ZNF488: variants seen among roughly 807,000 people sequenced by gnomAD.
ZNF488 encodes zinc finger protein 488.
A neutral mutation model predicts 1.2 loss-of-function variants in ZNF488; 1 was observed. The observed-to-expected ratio is 0.86, with a 90% CI of 0.30 to 4.07. The LOEUF (loss-of-function observed/expected upper bound fraction) is 4.07. ZNF488 is among the 30% of genes most tolerant of loss of function. The pLI is 0.18. For missense variants in ZNF488, 450 were observed against 437.9 expected (o/e 1.03, Z -0.25); for synonymous variants, 185 against 190.1 (o/e 0.97, Z 0.22).
chr10:47,368,317 T>A lies in ZNF488; in HGVS notation c.513A>T (p.Ala171=). The change falls in exon 2 of 2, where the codon GCA becomes GCT. Residue 171 remains alanine, a synonymous_variant. Transcript: ENST00000585316. ...SAFSKPTKRP[A]ERPELTSVFP... ...AGACTGAGGTTAGCTCAGGCCTCTC[T>A]GCTGGTCGCTTGGTTGGTTTGCTAA... 2 of 1,614,222 alleles carry A rather than the reference T, an allele frequency of 1.2e-6. No homozygotes were observed. Among genetic ancestry groups the A allele is most frequent in the Non-Finnish European group, 1.7e-6 (2 of 1,180,044 alleles).
intron 1 of ZNF488, among the ~76,000 whole-genome samples, chr10:47,381,650 G>GAGTCCCAGGATA (rs1837961512): frequency 1.3e-5 from 2 of 152,100 alleles, no homozygotes; most frequent in Admixed American, 6.5e-5. Context: ...CCAAGTGCAG[G>GAGTCCCAGGATA]AGACTGCGAA....
At chr10:47,383,028 C>T (rs181326205) in intron 1 of ZNF488, among the ~76,000 whole-genome samples, 1 of 152,240 alleles carries the variant, frequency 6.6e-6, no homozygotes, top group Admixed American at 6.5e-5. Context: ...AATCACATAT[C>T]TCTGATAAGA....
In ZNF488 at chr10:47,367,977, G is replaced by GA; in HGVS notation, c.852dup (p.Arg285SerfsTer22). On this transcript the variant is annotated frameshift_variant, in exon 2 of 2. Coordinates refer to ENST00000585316, the MANE Select transcript of ZNF488 (RefSeq NM_153034.4). LOFTEE classifies it low-confidence loss of function (END_TRUNC). Reference sequence around the variant, plus strand: ...TGAAAGACCAGGTCGGACGTTAGGCGAAAGGACAGGTTGCACTTTGCACAC... The same window carrying GA: ...TGAAAGACCAGGTCGGACGTTAGGCGAAAAGGACAGGTTGCACTTTGCACAC... The GA allele has an allele frequency of 6.2e-7, 1 of 1,614,150 alleles. No homozygotes were observed. The highest frequency in any genetic ancestry group is 8.5e-7 in the Non-Finnish European group (1 of 1,180,032).
intron 1 of ZNF488, among the ~76,000 whole-genome samples, chr10:47,381,619 G>A (rs1359414046): frequency 6.6e-6 from 1 of 151,952 alleles, no homozygotes; most frequent in Non-Finnish European, 1.5e-5. Context: ...TAGCAGCAAT[G>A]CCTGCTGCAT....
At chr10:47,370,452 C>G (rs1278087792) in intron 1 of ZNF488, among the ~76,000 whole-genome samples, 3 of 152,226 alleles carry the variant, frequency 2.0e-5, no homozygotes, top group African/African-American at 7.2e-5. Flanking sequence ...TCTAAGAATA[C>G]AGCTGATTGG....
intron 1 of ZNF488, among the ~76,000 whole-genome samples, chr10:47,374,831 T>C (rs1331418239): frequency 3.3e-5 from 5 of 152,216 alleles, no homozygotes; most frequent in Non-Finnish European, 7.3e-5. Flanking sequence ...GGGACTCGAC[T>C]GCACATCCGG....
rs572801517 is a variant in ZNF488, at chr10:47,370,115, G to C, written c.-108-1178C>G. Among the ~76,000 whole-genome samples the C allele has an allele frequency of 3.9e-5, 6 of 152,352 alleles. No homozygotes were observed. In the East Asian group the frequency reaches 7.7e-4, roughly 20 times the overall value. On this transcript the variant is annotated intron_variant, in intron 1 of 1. Coordinates refer to ENST00000585316, the MANE Select transcript of ZNF488 (RefSeq NM_153034.4). ...GCCCTCCATATTCCCATAGGGCCAA[G>C]GGAGGAGACATCCGCATGGTGAGAA...
At chr10:47,369,342 C>G (rs1334854004) in intron 1 of ZNF488, among the ~76,000 whole-genome samples, 2 of 152,204 alleles carry the variant, frequency 1.3e-5, no homozygotes, top group Non-Finnish European at 2.9e-5. Flanking sequence ...GGTCATCTGT[C>G]AACAAGTAGA....
chr10:47,367,977 G>C lies in ZNF488; in HGVS notation c.853C>G (p.Arg285Gly). 6.2e-7 allele frequency: 1 copy of C among 1,614,150 alleles called. No individual in the cohort carries two copies. Among genetic ancestry groups the C allele is most frequent in the Non-Finnish European group, 8.5e-7 (1 of 1,180,032 alleles). ...TGAAAGACCAGGTCGGACGTTAGGC[G>C]AAAGGACAGGTTGCACTTTGCACAC... ...NWCAKCNLSF[R>G]LTSDLVFHMR... The change falls in exon 2 of 2, where the codon CGC becomes GGC. Residue 285 changes from arginine (R) to glycine (G), a missense_variant. Coordinates refer to ENST00000585316, the MANE Select transcript of ZNF488 (RefSeq NM_153034.4).
chr10:47,368,871 C>T lies in ZNF488; in HGVS notation c.-42G>A, dbSNP rs782795775. ...GTTTGGGGTTCTGGAGGGCTTGGCC[C>T]AGCAAGGAGCCATGAGATATGGAAG... On this transcript the variant is annotated 5_prime_UTR_variant, in exon 2 of 2. The change creates a premature stop within an existing upstream ORF in the 5' untranslated region. Coordinates refer to ENST00000585316, the MANE Select transcript of ZNF488 (RefSeq NM_153034.4). The T allele has an allele frequency of 6.5e-7, 1 of 1,536,750 alleles. No individual in the cohort carries two copies. The highest frequency in any genetic ancestry group is 8.7e-7 in the Non-Finnish European group (1 of 1,144,472).
chr10:47,371,894 C>G (rs1378702215), intron 1 of ZNF488, among the ~76,000 whole-genome samples: 1 of 152,080 alleles, frequency 6.6e-6, no homozygotes, highest in Non-Finnish European at 1.5e-5. Flanking sequence ...TGGACTATTT[C>G]TCATGGGGGC....
At chr10:47,378,719 G>A (rs1378067151) in intron 1 of ZNF488, among the ~76,000 whole-genome samples, 1 of 152,212 alleles carries the variant, frequency 6.6e-6, no homozygotes, top group Non-Finnish European at 1.5e-5. Context: ...CAAGAAAAGT[G>A]AACATAAAAC....
Position 47,367,565 on chromosome 10 carries a change from G to C in ZNF488, c.*242C>G. 1 of 568,338 alleles carries C rather than the reference G, an allele frequency of 1.8e-6. No individual in the cohort carries two copies. The highest frequency in any genetic ancestry group is 3.1e-6 in the Non-Finnish European group (1 of 317,940). The allele number at this position is 568,338 out of a possible 1,614,324, so 35.2% of individuals were successfully genotyped here. On this transcript the variant is annotated 3_prime_UTR_variant, in exon 2 of 2. Coordinates refer to ENST00000585316, the MANE Select transcript of ZNF488 (RefSeq NM_153034.4). ...GTGCCAGGAGTTGCCCCTGCTCTCT[G>C]TGCCTGTTAGGGCCTCTACCCTGGA...
chr10:47,378,364 C>T (rs1460735410), intron 1 of ZNF488, among the ~76,000 whole-genome samples: 2 of 152,188 alleles, frequency 1.3e-5, no homozygotes, highest in East Asian at 3.9e-4. Flanking sequence ...TCTCACCAGC[C>T]CCACCCTCAA....
chr10:47,377,416 A>ATTT (rs1236398831), intron 1 of ZNF488, among the ~76,000 whole-genome samples: 3 of 152,096 alleles, frequency 2.0e-5, no homozygotes, highest in Non-Finnish European at 2.9e-5. Flanking sequence ...TTCCTTCTTC[A>ATTT]CAAAGTTGGC....
At position 47,368,606 on chromosome 10, in the gene ZNF488, G is replaced by T. The variant is rs79141866; in HGVS notation, c.224C>A (p.Ala75Glu). 6.2e-7 allele frequency: 1 copy of T among 1,610,546 alleles called. No homozygotes were observed. Among genetic ancestry groups the T allele is most frequent in the African/African-American group, 1.3e-5 (1 of 75,060 alleles). ...GGGCTTGCCTGGGGCTACCAACAGT[G>T]CCAGCTCCGCACTGCCCACATCCCG... ...AGRDVGSAEL[A>E]LLVAPGKPRP... The change falls in exon 2 of 2, where the codon GCA becomes GAA. Residue 75 changes from alanine to glutamate, a missense_variant. Coordinates refer to ENST00000585316, the MANE Select transcript of ZNF488 (RefSeq NM_153034.4).
At chr10:47,375,122 G>A (rs922244904) in intron 1 of ZNF488, among the ~76,000 whole-genome samples, 85 of 152,352 alleles carry the variant, frequency 5.6e-4, no homozygotes, top group African/African-American at 2.0e-3. Flanking sequence ...TTGGTATGCA[G>A]CCAGTGGTGT....
At chr10:47,370,452 C>A (rs1278087792) in intron 1 of ZNF488, among the ~76,000 whole-genome samples, 1 of 152,226 alleles carries the variant, frequency 6.6e-6, no homozygotes, top group Non-Finnish European at 1.5e-5. Context: ...TCTAAGAATA[C>A]AGCTGATTGG....
intron 1 of ZNF488, among the ~76,000 whole-genome samples, chr10:47,380,700 C>CTCT (rs1837906636): frequency 1.5e-4 from 15 of 100,640 alleles, no homozygotes; most frequent in African/African-American, 2.0e-4. Flanking sequence ...CAGGTTGTCT[C>CTCT]AGGTAACCTT....
Sources: allele counts gnomAD v4.1 joint callset (sites outside exome capture counted in the v4.1 genomes callset), GRCh38; gene constraint gnomAD v4.1.1; transcripts MANE v1.5; gene names NCBI Gene and HGNC (gene_info 2026-07-23, HGNC 2026-07-21).